The following RPL23 variants were observed in gnomAD, a reference collection of about 807,000 sequenced individuals.
The protein encoded by RPL23 is ribosomal protein L23.
For synonymous variants in RPL23, 63 were observed against 65.3 expected (o/e 0.97, Z 0.17); for missense variants, 79 against 178.8 (o/e 0.44, Z 3.18).
chr17:38,850,004 G>C lies in RPL23; in HGVS notation c.*128C>G. ...ATGACGGCAGGTGCCTGTAATCCCA[G>C]CTACTTAGGAGGCTGAGGCAGGAGA... On this transcript the variant is annotated 3_prime_UTR_variant, in exon 5 of 5. Coordinates refer to ENST00000479035, the MANE Select transcript of RPL23 (RefSeq NM_000978.4). 1.5e-6 allele frequency: 1 copy of C among 649,984 alleles called. No individual in the cohort carries two copies. Among genetic ancestry groups the C allele is most frequent in the Non-Finnish European group, 2.5e-6 (1 of 392,366 alleles). 40.3% of individuals were successfully genotyped at this position (649,984 alleles called of 1,614,324 possible).
In RPL23 at chr17:38,847,954, C is replaced by T; in HGVS notation, c.*2178G>A. On this transcript the variant is annotated 3_prime_UTR_variant, in exon 5 of 5. Coordinates refer to ENST00000479035, the MANE Select transcript of RPL23 (RefSeq NM_000978.4). ...ATGCAGTGGCTCACACTTGTAATTGCAGCCCTTTGAAGGCCACAGCAGGAG... is the reference window on the plus strand; with the variant it reads ...ATGCAGTGGCTCACACTTGTAATTGTAGCCCTTTGAAGGCCACAGCAGGAG... 6.5e-7 allele frequency: 1 copy of T among 1,546,960 alleles called. No individual in the cohort carries two copies. Among genetic ancestry groups the T allele is most frequent in the Non-Finnish European group, 8.7e-7 (1 of 1,145,520 alleles).
intron 3 of RPL23, chr17:38,852,402 A>C (rs1441007901): frequency 3.3e-6 from 2 of 603,942 alleles, no homozygotes; most frequent in South Asian, 2.4e-5. Flanking sequence ...AAAAACAACA[A>C]CAAAAAAACA....
rs1209255278 is a variant in RPL23 at position 38,850,324 on chromosome 17, C to T, written c.340+38G>A. On this transcript the variant is annotated intron_variant, in intron 4 of 4. Transcript: ENST00000479035. ...TGTACTTCTAGACAATCCACCCAAC[C>T]TCAGAGACCTAAGGAACAAGCTGGA... The T allele has an allele frequency of 8.8e-6, 14 of 1,588,614 alleles. No homozygotes were observed. The South Asian group carries it at 1.3e-4, about 15-fold the overall frequency.
At chr17:38,852,803 C>G (rs991184556) in intron 2 of RPL23, 71 bp from the exon 3 acceptor site, 1 of 1,602,668 alleles carries the variant, frequency 6.2e-7, no homozygotes, top group African/African-American at 1.3e-5. Flanking sequence ...ATAACATTTC[C>G]CAAACACTTC....
At chr17:38,852,480 C>A in intron 3 of RPL23, 124 bp downstream of exon 3, 1 of 1,230,464 alleles carries the variant, frequency 8.1e-7, no homozygotes, top group Non-Finnish European at 1.2e-6. Flanking sequence ...ACTTAAGATA[C>A]TTATCTCACA....
At chr17:38,852,926 T>C (rs1451932274) in intron 2 of RPL23, 96 bp downstream of exon 2, 1 of 1,404,416 alleles carries the variant, frequency 7.1e-7, no homozygotes, top group Admixed American at 1.7e-5. Context: ...AGCGATGTTT[T>C]CACTCTCCCC....
At chr17:38,852,529 C>CTGA in intron 3 of RPL23, 75 bp downstream of exon 3, 1 of 1,570,574 alleles carries the variant, frequency 6.4e-7, no homozygotes. Context: ...GCCTTGAAAA[C>CTGA]TGATCCATTT....
chr17:38,850,609 A>G (rs62077676), intron 3 of RPL23, 134 bp from the exon 4 acceptor site: 9,859 of 649,252 alleles, frequency 0.015, 157 homozygotes, highest in Non-Finnish European at 0.019. Context: ...CTTCAAGGTG[A>G]TCCTCCCACC....
rs955033695 is a variant in RPL23 at position 38,850,275 on chromosome 17, G to A, written c.341-61C>T. The A allele has an allele frequency of 1.0e-5, 16 of 1,550,480 alleles. No individual in the cohort carries two copies. In the African/African-American group the frequency reaches 1.2e-4, roughly 12 times the overall value. Reference sequence around the variant, plus strand: ...CATGTGGGGGACAGATTAAGACATCGTCAAACACAGAAGATCCTTGGCCTG... The same window carrying A: ...CATGTGGGGGACAGATTAAGACATCATCAAACACAGAAGATCCTTGGCCTG... On this transcript the variant is annotated intron_variant, in intron 4 of 4. Coordinates refer to ENST00000479035, the MANE Select transcript of RPL23 (RefSeq NM_000978.4).
At chr17:38,852,536 AT>A (rs1913033184) in intron 3 of RPL23, 67 bp downstream of exon 3, 2 of 1,581,332 alleles carry the variant, frequency 1.3e-6, no homozygotes, top group African/African-American at 1.4e-5. Context: ...AAACTGATCC[AT>A]TTTCCAATAA....
chr17:38,852,234 A>G (rs1195534814), intron 3 of RPL23: 3 of 198,580 alleles, frequency 1.5e-5, no homozygotes, highest in Admixed American at 5.5e-5. Flanking sequence ...ACAAATAATA[A>G]AATAAGCAAC....
intron 1 of RPL23, chr17:38,853,352 C>A: frequency 1.4e-6 from 1 of 693,392 alleles, no homozygotes. Flanking sequence ...TCAACCCTTG[C>A]TCTAACTTTC....
intron 2 of RPL23, 27 bp downstream of exon 2, chr17:38,852,995 G>A (rs762165920): frequency 6.2e-7 from 1 of 1,600,324 alleles, no homozygotes; most frequent in Non-Finnish European, 8.6e-7. Context: ...TTAAAAGGGG[G>A]AGTATAGCAA....
In RPL23 at chr17:38,848,203, G is replaced by C. The variant is rs553074384; in HGVS notation, c.*1929C>G. The C allele has an allele frequency of 5.6e-6, 5 of 888,544 alleles. No homozygotes were observed. The highest frequency in any genetic ancestry group is 8.0e-5 in the Admixed American group (2 of 24,946). 55.0% of individuals were successfully genotyped at this position (888,544 alleles called of 1,614,324 possible). A position where few individuals can be genotyped will look rare whatever the true frequency, so the allele number is the denominator to read the frequency against. On this transcript the variant is annotated 3_prime_UTR_variant, in exon 5 of 5. Transcript: ENST00000479035. ...CTGACTTGAAATTGACCATACTCAG[G>C]GATGTTATGGTGTAACTCTCTAAAA...
intron 3 of RPL23, chr17:38,850,770 CTAT>C (rs1912979917): frequency 4.2e-6 from 1 of 238,956 alleles, no homozygotes; most frequent in Non-Finnish European, 8.1e-6. Context: ...CCACGATCAT[CTAT>C]TCACATCTTA....
intron 3 of RPL23, 54 bp downstream of exon 3, chr17:38,852,545 TAAAGG>T (rs1042163501): frequency 1.3e-6 from 2 of 1,587,634 alleles, no homozygotes; most frequent in African/African-American, 2.7e-5. Context: ...CATTTTCCAA[TAAAGG>T]AAAGCGTCCC....
intron 3 of RPL23, 111 bp downstream of exon 3, chr17:38,852,493 G>A (rs1913032019): frequency 7.4e-7 from 1 of 1,347,684 alleles, no homozygotes; most frequent in South Asian, 1.3e-5. Context: ...ATCTCACACT[G>A]CCTCTCAATG....
At chr17:38,853,200 C>T (rs1913055500) in intron 1 of RPL23, 95 bp from the exon 2 acceptor site, 1 of 941,912 alleles carries the variant, frequency 1.1e-6, no homozygotes, top group Non-Finnish European at 1.7e-6. Flanking sequence ...ATTCACCGCA[C>T]ATGCTTTGAT....
Position 38,848,230 on chromosome 17 carries a change from T to G in RPL23, c.*1902A>C. The stretch of plus-strand genomic sequence containing the variant: ...ATGTTATGGTGTAACTCTCTAAAAC[T>G]AGAGATTTAATACATTTTTTTTCTT... On this transcript the variant is annotated 3_prime_UTR_variant, in exon 5 of 5. Coordinates refer to ENST00000479035, the MANE Select transcript of RPL23 (RefSeq NM_000978.4). 1.4e-6 allele frequency: 1 copy of G among 726,708 alleles called. No homozygotes were observed. 45.0% of individuals were successfully genotyped at this position (726,708 alleles called of 1,614,324 possible).
Sources: allele counts gnomAD v4.1 joint callset, GRCh38; gene constraint gnomAD v4.1.1; transcripts MANE v1.5; gene names NCBI Gene and HGNC (gene_info 2026-07-23, HGNC 2026-07-21).